The following PINX1 variants were observed in gnomAD, a reference collection of about 807,000 sequenced individuals.
The protein encoded by PINX1 is PIN2 (TERF1) interacting telomerase inhibitor 1.
PINX1 carries 34 observed loss-of-function variants against 25.4 expected under a neutral mutation model. The observed-to-expected ratio is 1.34, with a 90% confidence interval of 1.02 to 1.78. PINX1 has a LOEUF of 1.78. PINX1 is among the 40% of genes most tolerant of loss of function. The pLI is 0.00. For missense variants in PINX1, 592 were observed against 404.9 expected (o/e 1.46, Z -3.97); for synonymous variants, 197 against 147.7 (o/e 1.33, Z -2.42).
At chr8:10,825,919 T>A (rs1798023779) in intron 5 of PINX1, among the ~76,000 whole-genome samples, 1 of 152,220 alleles carries the variant, frequency 6.6e-6, no homozygotes, top group African/African-American at 2.4e-5. Flanking sequence ...ACAGGACTTG[T>A]TTACAGTCTA....
intron 6 of PINX1, among the ~76,000 whole-genome samples, chr8:10,802,241 T>C (rs950748743): frequency 2.6e-5 from 4 of 152,174 alleles, no homozygotes; most frequent in Non-Finnish European, 5.9e-5. Flanking sequence ...AGAATTGCTT[T>C]AGGGGGAAGC....
At chr8:10,773,728 G>A (rs187067586) in intron 6 of PINX1, among the ~76,000 whole-genome samples, 1 of 152,174 alleles carries the variant, frequency 6.6e-6, no homozygotes, top group African/African-American at 2.4e-5. Flanking sequence ...ACATAAACAT[G>A]TTTTAAAAGG....
At chr8:10,796,181 G>C (rs1329050786) in intron 6 of PINX1, among the ~76,000 whole-genome samples, 1 of 152,262 alleles carries the variant, frequency 6.6e-6, no homozygotes, top group East Asian at 1.9e-4. Flanking sequence ...CATGGAAGGA[G>C]CTTGATTGGC....
At chr8:10,780,467 G>A (rs766453170) in intron 6 of PINX1, among the ~76,000 whole-genome samples, 1 of 152,138 alleles carries the variant, frequency 6.6e-6, no homozygotes, top group Non-Finnish European at 1.5e-5. Context: ...AGATGATCAC[G>A]TGGTTTTGTC....
chr8:10,783,173 T>C (rs370359248), intron 6 of PINX1, among the ~76,000 whole-genome samples: 16 of 152,222 alleles, frequency 1.1e-4, no homozygotes, highest in African/African-American at 2.4e-4. Flanking sequence ...TTTATGAACA[T>C]TGAGCTTTGA....
intron 6 of PINX1, among the ~76,000 whole-genome samples, chr8:10,796,200 G>C (rs1473607329): frequency 6.6e-6 from 1 of 152,168 alleles, no homozygotes; most frequent in African/African-American, 2.4e-5. Flanking sequence ...GCTCAGATAA[G>C]AGAGGCTTCC....
chr8:10,791,148 G>C (rs562136657), intron 6 of PINX1, among the ~76,000 whole-genome samples: 1 of 152,012 alleles, frequency 6.6e-6, no homozygotes, highest in South Asian at 2.1e-4. Flanking sequence ...TCCTGACCTC[G>C]TGATCTGCCT....
chr8:10,776,672 C>A (rs1334938408), intron 6 of PINX1, among the ~76,000 whole-genome samples: 1 of 152,094 alleles, frequency 6.6e-6, no homozygotes, highest in Non-Finnish European at 1.5e-5. Context: ...TGACCTCAGG[C>A]TGCCCACTCT....
chr8:10,783,109 C>G (rs1017415221), intron 6 of PINX1, among the ~76,000 whole-genome samples: 4 of 152,030 alleles, frequency 2.6e-5, no homozygotes, highest in African/African-American at 7.2e-5. Flanking sequence ...TACGTGTGAC[C>G]CTTATTTGAA....
intron 4 of PINX1, among the ~76,000 whole-genome samples, chr8:10,829,210 C>T (rs988191757): frequency 6.2e-5 from 9 of 145,758 alleles, no homozygotes; most frequent in South Asian, 2.2e-4. Flanking sequence ...CGCTTGAACC[C>T]GGGAGGCGGA....
At chr8:10,788,769 C>G (rs1052279965) in intron 6 of PINX1, among the ~76,000 whole-genome samples, 20 of 152,132 alleles carry the variant, frequency 1.3e-4, no homozygotes, top group Non-Finnish European at 2.9e-4. Context: ...GAGAGGAAGC[C>G]AACCAAGGCA....
intron 6 of PINX1, among the ~76,000 whole-genome samples, chr8:10,780,007 T>C (rs963624883): frequency 2.0e-5 from 3 of 152,218 alleles, no homozygotes; most frequent in Non-Finnish European, 2.9e-5. Context: ...CTTAGGGTCA[T>C]CTCAACAGTA....
At chr8:10,779,670 CA>C (rs1801520983) in intron 6 of PINX1, among the ~76,000 whole-genome samples, 1 of 152,080 alleles carries the variant, frequency 6.6e-6, no homozygotes, top group African/African-American at 2.4e-5. Flanking sequence ...CTGTTGATTC[CA>C]GGAAACTTAC....
At position 10,834,741 on chromosome 8, in the gene PINX1, C is replaced by G. The variant is rs763433061; in HGVS notation, c.54G>C (p.Gln18His). The G allele has an allele frequency of 1.9e-6, 3 of 1,613,862 alleles. No homozygotes were observed. The highest frequency in any genetic ancestry group is 8.5e-7 in the Non-Finnish European group (1 of 1,179,826). Residue 18 changes from glutamine (Q) to histidine (H), a missense_variant, in exon 2 of 7, where the codon CAG (glutamine) becomes CAC (histidine). Gln to His is a conservative substitution (Grantham distance 24). Transcript: ENST00000314787. The stretch of plus-strand genomic sequence containing the variant: ...AATCGTCATTACTCCAGGCAGTGTT[C>G]TGAGGATCCACAGCCCACTTCTGCT... Reference protein sequence around the residue: ...RRKQKWAVDPQNTAWSNDDSK... With the variant: ...RRKQKWAVDPHNTAWSNDDSK...
chr8:10,815,091 C>A (rs375581091), intron 6 of PINX1, among the ~76,000 whole-genome samples: 3 of 152,132 alleles, frequency 2.0e-5, no homozygotes, highest in Non-Finnish European at 4.4e-5. Context: ...CAGGTGGATG[C>A]CACTGAGCCT....
In PINX1 at chr8:10,804,806, G is replaced by C. The variant is rs151163386; in HGVS notation, c.471+15387C>G. Among the ~76,000 whole-genome samples the C allele has an allele frequency of 3.4e-4, 51 of 151,594 alleles. 1 individual carries two copies. In the East Asian group the frequency reaches 9.3e-3, roughly 28 times the overall value. ...AGATCCAACAACTCTAGCTAAGTAAGATATCCAATTATTAAAAATGTGCTT... is the reference window on the plus strand; with the variant it reads ...AGATCCAACAACTCTAGCTAAGTAACATATCCAATTATTAAAAATGTGCTT... On this transcript the variant is annotated intron_variant, in intron 6 of 6. Coordinates refer to ENST00000314787, the MANE Select transcript of PINX1 (RefSeq NM_017884.6).
At chr8:10,792,211 G>C (rs1050326570) in intron 6 of PINX1, among the ~76,000 whole-genome samples, 1 of 152,104 alleles carries the variant, frequency 6.6e-6, no homozygotes, top group African/African-American at 2.4e-5. Context: ...CGCTGGATGG[G>C]CCTGCAGCTG....
intron 1 of PINX1, among the ~76,000 whole-genome samples, chr8:10,837,176 C>A (rs573597087): frequency 6.6e-6 from 1 of 152,290 alleles, no homozygotes; most frequent in South Asian, 2.1e-4. Context: ...TTTCCTTCTG[C>A]GAGCCAGGAA....
At position 10,805,495 on chromosome 8, in the gene PINX1, G is replaced by C. The variant is rs1362739185; in HGVS notation, c.471+14698C>G. Among the ~76,000 whole-genome samples the C allele has an allele frequency of 2.6e-5, 4 of 152,034 alleles. No individual in the cohort carries two copies. The East Asian group carries it at 7.7e-4, about 29-fold the overall frequency. On this transcript the variant is annotated intron_variant, in intron 6 of 6. Coordinates refer to ENST00000314787, the MANE Select transcript of PINX1 (RefSeq NM_017884.6). ...CAGGAAGAAGCCACACTAGTGCTGA[G>C]TGGGTGACAGAGCACAGGAAGGGGC...
Sources: allele counts gnomAD v4.1 joint callset (sites outside exome capture counted in the v4.1 genomes callset), GRCh38; gene constraint gnomAD v4.1.1; transcripts MANE v1.5; gene names NCBI Gene and HGNC (gene_info 2026-07-23, HGNC 2026-07-21).